The following MGST3 variants were observed in gnomAD, a reference collection of about 807,000 sequenced individuals.
MGST3 encodes the protein glutathione S-transferase 3, mitochondrial.
In MGST3, 13 loss-of-function variants were observed where a neutral mutation model predicts 15.8. The ratio of observed to expected loss-of-function variants is 0.82; its 90% CI spans 0.54 to 1.31. MGST3 has a LOEUF of 1.31. Ranked by LOEUF, MGST3 falls within the 50% of genes most tolerant of loss-of-function variation. The pLI is 0.00. For synonymous variants in MGST3, 49 were observed against 68.1 expected (o/e 0.72, Z 1.38); for missense variants, 155 against 192.4 (o/e 0.81, Z 1.15).
intron 2 of MGST3, 190 bp downstream of exon 2, chr1:165,650,154 A>T (rs1329641565): frequency 1.4e-6 from 1 of 710,016 alleles, no homozygotes; most frequent in Admixed American, 2.6e-5. Context: ...CCTGCTAGGG[A>T]GTAGTTTCCA....
chr1:165,639,545 G>A (rs966470610), intron 1 of MGST3, among the ~76,000 whole-genome samples: 1 of 152,208 alleles, frequency 6.6e-6, no homozygotes, highest in African/African-American at 2.4e-5. Context: ...GCCCATGCTT[G>A]TAATCCCAGC....
At chr1:165,637,571 G>A (rs1648146484) in intron 1 of MGST3, among the ~76,000 whole-genome samples, 1 of 152,202 alleles carries the variant, frequency 6.6e-6, no homozygotes, top group Admixed American at 6.5e-5. Context: ...AGTTCAGGAA[G>A]CTTTCTGGGT....
At chr1:165,645,863 G>A (rs1648383316) in intron 1 of MGST3, 1 of 152,152 alleles carries the variant, frequency 6.6e-6, no homozygotes, top group South Asian at 2.1e-4. Context: ...ACTAACCCAG[G>A]AAACTGCATA....
At chr1:165,647,722 A>G (rs1648444403) in intron 1 of MGST3, 1 of 136,578 alleles carries the variant, frequency 7.3e-6, no homozygotes, top group African/African-American at 2.5e-5. Context: ...CTTCTGAGAG[A>G]CACCTTTTTT....
At chr1:165,636,354 G>C (rs1278176655) in intron 1 of MGST3, among the ~76,000 whole-genome samples, 3 of 152,050 alleles carry the variant, frequency 2.0e-5, no homozygotes, top group African/African-American at 4.8e-5. Context: ...GTTTTACTTT[G>C]TTTCTAATAG....
chr1:165,649,861 C>G lies in MGST3; in HGVS notation c.14C>G (p.Ser5Cys). The change falls in exon 2 of 6, where the codon TCT (serine) becomes TGT (cysteine). Residue 5 changes from serine (S) to cysteine (C), a missense_variant. Physicochemically the swap from Ser to Cys is moderately radical, Grantham distance 112. Transcript: ENST00000367889. ...CACAGACGCAAGATGGCTGTCCTCT[C>G]TAAGGAATATGGTTTTGTGCTTCTA... Reference protein sequence around the residue: MAVLSKEYGFVLLTG... With the variant: MAVLCKEYGFVLLTG... The G allele has an allele frequency of 6.2e-7, 1 of 1,614,140 alleles. No homozygotes were observed. Among genetic ancestry groups the G allele is most frequent in the Non-Finnish European group, 8.5e-7 (1 of 1,180,044 alleles).
At chr1:165,632,277 A>C (rs778700217) in intron 1 of MGST3, 6 of 1,612,550 alleles carry the variant, frequency 3.7e-6, no homozygotes, top group Middle Eastern at 1.7e-4. Flanking sequence ...CTCTGCAGGT[A>C]TGTGCTGTTG....
At chr1:165,653,268 A>G (rs898253653) in intron 4 of MGST3, among the ~76,000 whole-genome samples, 5 of 152,098 alleles carry the variant, frequency 3.3e-5, no homozygotes, top group African/African-American at 1.2e-4. Context: ...CTCCATCCCC[A>G]TTCCTATCAC....
intron 4 of MGST3, among the ~76,000 whole-genome samples, chr1:165,653,308 G>A (rs746372124): frequency 1.3e-5 from 2 of 152,116 alleles, no homozygotes; most frequent in African/African-American, 4.8e-5. Flanking sequence ...CTTATGGGTA[G>A]TTCTGAAAAA....
rs1044664592 is a variant in MGST3 at position 165,655,689 on chromosome 1, G to C, written c.*185G>C. ...AATCAGTAGCCTAGTCCTACTAGAT[G>C]AGAAAGGAGCCACAAGTATTGTGCC... On this transcript the variant is annotated 3_prime_UTR_variant, in exon 6 of 6. Transcript: ENST00000367889. 2 of 684,066 alleles carry C rather than the reference G, an allele frequency of 2.9e-6. No individual in the cohort carries two copies. The highest frequency in any genetic ancestry group is 4.8e-6 in the Non-Finnish European group (2 of 414,082). 42.4% of individuals were successfully genotyped at this position (684,066 alleles called of 1,614,324 possible).
intron 1 of MGST3, among the ~76,000 whole-genome samples, chr1:165,642,685 T>C (rs1261152824): frequency 6.6e-6 from 1 of 152,178 alleles, no homozygotes; most frequent in African/African-American, 2.4e-5. Context: ...CATCTAATCC[T>C]CTCAACAACC....
chr1:165,633,172 G>A (rs1648002307), intron 1 of MGST3, among the ~76,000 whole-genome samples: 1 of 152,190 alleles, frequency 6.6e-6, no homozygotes, highest in Non-Finnish European at 1.5e-5. Flanking sequence ...GCAGTTAGCA[G>A]CAAGTAGATT....
At chr1:165,632,637 G>A (rs1411885609) in intron 1 of MGST3, among the ~76,000 whole-genome samples, 1 of 152,014 alleles carries the variant, frequency 6.6e-6, no homozygotes, top group Non-Finnish European at 1.5e-5. Flanking sequence ...TTTAACCAAT[G>A]TTACTATATA....
intron 1 of MGST3, among the ~76,000 whole-genome samples, chr1:165,635,273 T>C (rs533770088): frequency 8.5e-5 from 13 of 152,278 alleles, no homozygotes; most frequent in African/African-American, 2.6e-4. Flanking sequence ...TTTGTCCTTA[T>C]ACCTGCAGGG....
chr1:165,634,117 TTAA>T (rs1409429183), intron 1 of MGST3, among the ~76,000 whole-genome samples: 1 of 152,104 alleles, frequency 6.6e-6, no homozygotes, highest in African/African-American at 2.4e-5. Context: ...TCTCTTCTTG[TTAA>T]TGTATTTTGT....
At chr1:165,652,473 G>GA (rs1244178186) in intron 4 of MGST3, among the ~76,000 whole-genome samples, 2 of 112,798 alleles carry the variant, frequency 1.8e-5, no homozygotes, top group Admixed American at 1.7e-4. Context: ...GGTGGTCACA[G>GA]AGAAGAAGCA....
intron 3 of MGST3, chr1:165,651,669 C>T (rs563774724): frequency 1.4e-5 from 5 of 351,112 alleles, no homozygotes; most frequent in East Asian, 7.3e-5. Context: ...TTTGGGAGGC[C>T]GAGGTGGGTG....
chr1:165,638,466 C>A (rs986616166), intron 1 of MGST3, among the ~76,000 whole-genome samples: 1 of 151,928 alleles, frequency 6.6e-6, no homozygotes, highest in Non-Finnish European at 1.5e-5. Context: ...GAGGGGGACC[C>A]TGTCTCAAAA....
intron 1 of MGST3, chr1:165,635,750 C>A (rs1172144604): frequency 2.0e-5 from 3 of 152,188 alleles, no homozygotes; most frequent in African/African-American, 7.2e-5. Context: ...ATCCTCCTAA[C>A]ATATAGTTAG....
Sources: gnomAD v4.1 joint callset for allele counts (sites outside exome capture counted in the v4.1 genomes callset) on GRCh38, gnomAD v4.1.1 for gene constraint, MANE v1.5 for transcripts, NCBI Gene and HGNC (gene_info 2026-07-23, HGNC 2026-07-21) for gene names.